CSNK2A2IP: variants seen among roughly 807,000 people sequenced by gnomAD.
The protein encoded by CSNK2A2IP is casein kinase 2 subunit alpha' interacting protein.
At chr3:88,438,494 G>A in the CSNK2A2IP span, among the ~76,000 whole-genome samples, 1 of 152,092 alleles carries the variant, frequency 6.6e-6, no homozygotes, top group Non-Finnish European at 1.5e-5. Flanking sequence ...TTCTGTGTAA[G>A]TGCTTCCCCT....
At chr3:88,355,233 G>A in the CSNK2A2IP span, among the ~76,000 whole-genome samples, 5 of 152,136 alleles carry the variant, frequency 3.3e-5, no homozygotes, top group Admixed American at 6.6e-5. Context: ...AGAGTAGATT[G>A]AGTTTAGACT....
At chr3:88,425,165 G>T in the CSNK2A2IP span, among the ~76,000 whole-genome samples, 1 of 151,880 alleles carries the variant, frequency 6.6e-6, no homozygotes, top group Non-Finnish European at 1.5e-5. Context: ...ATCATAATCA[G>T]AAAAATCACA....
At chr3:88,427,168 T>C in the CSNK2A2IP span, among the ~76,000 whole-genome samples, 1 of 151,980 alleles carries the variant, frequency 6.6e-6, no homozygotes, top group East Asian at 1.9e-4. Flanking sequence ...CAGATGGAGA[T>C]GAAGAACTTG....
chr3:88,340,547 A>G, the CSNK2A2IP span, among the ~76,000 whole-genome samples: 1 of 151,986 alleles, frequency 6.6e-6, no homozygotes. Context: ...TTCTTCTAAG[A>G]TATCACTGGT....
chr3:88,466,347 T>C, the CSNK2A2IP span: 1 of 1,231,820 alleles, frequency 8.1e-7, no homozygotes, highest in Non-Finnish European at 1.0e-6. Context: ...TGCTTGATTG[T>C]AACTTCCAGA....
the CSNK2A2IP span, among the ~76,000 whole-genome samples, chr3:88,456,152 T>C: frequency 6.6e-6 from 1 of 152,078 alleles, no homozygotes; most frequent in Non-Finnish European, 1.5e-5. Context: ...TCCAATTACT[T>C]CTGTTCAAGA....
At chr3:88,390,485 C>A in the CSNK2A2IP span, among the ~76,000 whole-genome samples, 4,731 of 152,160 alleles carry the variant, frequency 0.031, 116 homozygotes, top group Non-Finnish European at 0.05. Context: ...CTCATTAAGC[C>A]GATAACTCAA....
the CSNK2A2IP span, among the ~76,000 whole-genome samples, chr3:88,429,105 G>A: frequency 1.3e-5 from 2 of 150,936 alleles, no homozygotes; most frequent in African/African-American, 4.9e-5. Flanking sequence ...GGATATTATG[G>A]TCCAATGGCT....
chr3:88,360,138 TC>T, the CSNK2A2IP span, among the ~76,000 whole-genome samples: 2 of 132,748 alleles, frequency 1.5e-5, no homozygotes, highest in Non-Finnish European at 1.7e-5. Flanking sequence ...AGAGTTTTTG[TC>T]TTTTTTTTTT....
At chr3:88,401,257 A>C in the CSNK2A2IP span, among the ~76,000 whole-genome samples, 2 of 152,132 alleles carry the variant, frequency 1.3e-5, no homozygotes, top group African/African-American at 2.4e-5. Context: ...TAATTCTGAT[A>C]ATTTCACAAG....
At chr3:88,427,498 A>G in the CSNK2A2IP span, among the ~76,000 whole-genome samples, 2 of 152,208 alleles carry the variant, frequency 1.3e-5, no homozygotes, top group African/African-American at 2.4e-5. Flanking sequence ...AGAGACTTCT[A>G]TGGCAGCCCC....
the CSNK2A2IP span, among the ~76,000 whole-genome samples, chr3:88,461,981 G>GT: frequency 1.6e-4 from 24 of 151,436 alleles, no homozygotes; most frequent in Non-Finnish European, 1.3e-4. Flanking sequence ...TGAAGCCGAG[G>GT]TTTTTTTTCA....
At chr3:88,410,213 C>A in the CSNK2A2IP span, among the ~76,000 whole-genome samples, 1 of 151,974 alleles carries the variant, frequency 6.6e-6, no homozygotes, top group Non-Finnish European at 1.5e-5. Context: ...CTACATGGGG[C>A]GATAACTTTA....
chr3:88,465,892 G>C, the CSNK2A2IP span: 1 of 1,231,612 alleles, frequency 8.1e-7, no homozygotes, highest in Non-Finnish European at 1.0e-6. Flanking sequence ...TCATCAAAGA[G>C]TCTCAAGTTC....
chr3:88,449,852 CACATAT>C, the CSNK2A2IP span, among the ~76,000 whole-genome samples: 4 of 85,804 alleles, frequency 4.7e-5, no homozygotes, highest in African/African-American at 1.5e-4. Flanking sequence ...CACACACACA[CACATAT>C]ATATATATAT....
chr3:88,462,290 G>A, the CSNK2A2IP span, among the ~76,000 whole-genome samples: 5 of 151,962 alleles, frequency 3.3e-5, no homozygotes, highest in African/African-American at 1.2e-4. Flanking sequence ...AATCCATTAA[G>A]TTATTTCATT....
the CSNK2A2IP span, among the ~76,000 whole-genome samples, chr3:88,399,278 T>G: frequency 6.6e-6 from 1 of 152,200 alleles, no homozygotes; most frequent in Admixed American, 6.5e-5. Flanking sequence ...GGCTTTATTG[T>G]TAACATTTTG....
chr3:88,353,003 G>T, the CSNK2A2IP span, among the ~76,000 whole-genome samples: 2 of 152,130 alleles, frequency 1.3e-5, no homozygotes, highest in Non-Finnish European at 2.9e-5. Context: ...TTCCCCTCAA[G>T]CTTCTCTTAA....
chr3:88,389,260 A>G, the CSNK2A2IP span, among the ~76,000 whole-genome samples: 1 of 151,728 alleles, frequency 6.6e-6, no homozygotes, highest in Non-Finnish European at 1.5e-5. Context: ...TGCCAATGTG[A>G]GAAAATGAGG....
Sources: gnomAD v4.1 joint callset for allele counts (sites outside exome capture counted in the v4.1 genomes callset) on GRCh38, gnomAD v4.1.1 for gene constraint, MANE v1.5 for transcripts, NCBI Gene and HGNC (gene_info 2026-07-23, HGNC 2026-07-21) for gene names.